PCED1B: variants seen among roughly 807,000 people sequenced by gnomAD.
PCED1B encodes PC-esterase domain containing 1B.
For synonymous variants in PCED1B, 251 were observed against 246.1 expected, an observed-to-expected ratio of 1.02 and a Z score of -0.19; for missense variants, 573 against 573.9, an observed-to-expected ratio of 1.00 and a Z score of 0.02.
chr12:47,169,548 T>C (rs1318404639), intron 2 of PCED1B, among the ~76,000 whole-genome samples: 1 of 152,224 alleles, frequency 6.6e-6, no homozygotes, highest in Non-Finnish European at 1.5e-5. Flanking sequence ...ATTATTACTA[T>C]TTTTTGCCCC....
chr12:47,160,771 C>G lies in PCED1B; in HGVS notation c.-525-55451C>G, dbSNP rs57872111. ...TTCCCCACTAAAACTCATATTGAAA[C>G]CTTAATTCCCTTTGTGGCAATGTTG... On this transcript the variant is annotated intron_variant, in intron 2 of 3. Coordinates refer to ENST00000546455, the MANE Select transcript of PCED1B (RefSeq NM_138371.3). Among the ~76,000 whole-genome samples the G allele has an allele frequency of 7.6e-3, 1,161 of 152,154 alleles. 13 individuals carry two copies. Among genetic ancestry groups the G allele is most frequent in the African/African-American group, 0.026 (1,092 of 41,502 alleles).
intron 3 of PCED1B, among the ~76,000 whole-genome samples, chr12:47,217,817 T>G (rs1943348004): frequency 6.6e-6 from 1 of 152,200 alleles, no homozygotes; most frequent in African/African-American, 2.4e-5. Context: ...CCTCAGGTGA[T>G]CCGACCGTCT....
chr12:47,132,064 A>T (rs1444222990), intron 2 of PCED1B, among the ~76,000 whole-genome samples: 2 of 152,186 alleles, frequency 1.3e-5, no homozygotes, highest in Non-Finnish European at 2.9e-5. Flanking sequence ...TTGCGTGGAA[A>T]GTCATTAGCA....
At chr12:47,108,054 TGA>T (rs147300318) in intron 2 of PCED1B, among the ~76,000 whole-genome samples, 2,023 of 152,270 alleles carry the variant, frequency 0.013, 52 homozygotes, top group African/African-American at 0.047. Flanking sequence ...CTAGTACCAG[TGA>T]GAGCCCTCAG....
chr12:47,140,162 T>C (rs1368216989), intron 2 of PCED1B, among the ~76,000 whole-genome samples: 2 of 152,180 alleles, frequency 1.3e-5, no homozygotes, highest in Non-Finnish European at 2.9e-5. Context: ...GAATTTTGCT[T>C]ATCAAATAAT....
chr12:47,184,236 T>A (rs1942184890), intron 2 of PCED1B, among the ~76,000 whole-genome samples: 1 of 152,178 alleles, frequency 6.6e-6, no homozygotes, highest in Non-Finnish European at 1.5e-5. Flanking sequence ...TGTGTTTTAG[T>A]TGGTGTGAGC....
chr12:47,097,364 C>T (rs1421525187), intron 1 of PCED1B, among the ~76,000 whole-genome samples: 1 of 152,164 alleles, frequency 6.6e-6, no homozygotes, highest in African/African-American at 2.4e-5. Context: ...AATCAAAACA[C>T]ACATAAACAT....
rs565913763 is a variant in PCED1B, at chr12:47,202,339, C to T, written c.-525-13883C>T. 2.1e-4 allele frequency among the ~76,000 whole-genome samples: 32 copies of T among 152,222 alleles called. No homozygotes were observed. In the South Asian group the frequency reaches 6.4e-3, roughly 31 times the overall value. ...AAAAGATGATACCGCATTGCAGAAG[C>T]ACATGAGCTTCCAGGTTATGCCAGA... On this transcript the variant is annotated intron_variant, in intron 2 of 3. Transcript: ENST00000546455.
chr12:47,174,350 A>G (rs999365096), intron 2 of PCED1B, among the ~76,000 whole-genome samples: 1 of 151,882 alleles, frequency 6.6e-6, no homozygotes, highest in Non-Finnish European at 1.5e-5. Context: ...TGGAGGTTGC[A>G]GTTAGCGGAG....
In PCED1B at chr12:47,236,614, T is replaced by C. The variant is rs1943995617; in HGVS notation, c.*252T>C. The C allele has an allele frequency of 2.4e-6, 1 of 412,568 alleles. No individual in the cohort carries two copies. Among genetic ancestry groups the C allele is most frequent in the Non-Finnish European group, 4.4e-6 (1 of 225,984 alleles). The allele number at this position is 412,568 out of a possible 1,614,324, so 25.6% of individuals were successfully genotyped here. A position where few individuals can be genotyped will look rare whatever the true frequency, so the allele number is the denominator to read the frequency against. ...TTCCTGCCTCCTCACTCCTATTCTC[T>C]TTGCCTTTGTGTAAAAATAAAATGG... On this transcript the variant is annotated 3_prime_UTR_variant, in exon 4 of 4. Coordinates refer to ENST00000546455, the MANE Select transcript of PCED1B (RefSeq NM_138371.3).
intron 2 of PCED1B, among the ~76,000 whole-genome samples, chr12:47,191,097 T>C (rs1248637029): frequency 6.6e-6 from 1 of 152,196 alleles, no homozygotes; most frequent in Non-Finnish European, 1.5e-5. Flanking sequence ...CAAACATGCA[T>C]GGAGGAAGAC....
intron 1 of PCED1B, among the ~76,000 whole-genome samples, chr12:47,081,014 G>C (rs189965297): frequency 6.6e-6 from 1 of 152,180 alleles, no homozygotes; most frequent in Non-Finnish European, 1.5e-5. Context: ...GGTGCAAGCC[G>C]AACAAGGCCA....
chr12:47,161,941 G>T (rs939550574), intron 2 of PCED1B, among the ~76,000 whole-genome samples: 1 of 152,130 alleles, frequency 6.6e-6, no homozygotes, highest in Non-Finnish European at 1.5e-5. Context: ...CCATAAAAAA[G>T]GATGAATTCA....
rs923058225 is a variant in PCED1B, at chr12:47,197,612, A to T, written c.-525-18610A>T. On this transcript the variant is annotated intron_variant, in intron 2 of 3. Transcript: ENST00000546455. The stretch of plus-strand genomic sequence containing the variant: ...AACAAGAGTGAAACTCTGTCTCAAA[A>T]AAATAAATAAATAAATAATAAAATA... Among the ~76,000 whole-genome samples, 103 of 151,798 alleles carry T rather than the reference A, an allele frequency of 6.8e-4. 1 individual carries two copies. Among genetic ancestry groups the T allele is most frequent in the Middle Eastern group, 3.4e-3 (1 of 294 alleles).
intron 1 of PCED1B, among the ~76,000 whole-genome samples, chr12:47,082,647 T>G (rs1236325895): frequency 6.6e-6 from 1 of 152,244 alleles, no homozygotes; most frequent in Non-Finnish European, 1.5e-5. Context: ...TTACATGCAT[T>G]ATTTCATTTA....
chr12:47,171,484 A>G (rs1037187131), intron 2 of PCED1B, among the ~76,000 whole-genome samples: 5 of 152,198 alleles, frequency 3.3e-5, no homozygotes, highest in Admixed American at 2.6e-4. Flanking sequence ...TTTAGCTATT[A>G]TATTAATCTC....
intron 2 of PCED1B, among the ~76,000 whole-genome samples, chr12:47,194,805 A>G (rs974980075): frequency 6.6e-5 from 10 of 152,216 alleles, no homozygotes; most frequent in African/African-American, 2.4e-4. Context: ...AGGAAGAGAA[A>G]GGTGCCGTGT....
intron 1 of PCED1B, among the ~76,000 whole-genome samples, chr12:47,102,859 A>C (rs1266184378): frequency 6.6e-6 from 1 of 152,248 alleles, no homozygotes; most frequent in African/African-American, 2.4e-5. Context: ...AACGTAGAAG[A>C]GTTTCCTCAC....
chr12:47,177,556 G>C (rs1327496303), intron 2 of PCED1B, among the ~76,000 whole-genome samples: 1 of 152,190 alleles, frequency 6.6e-6, no homozygotes, highest in African/African-American at 2.4e-5. Flanking sequence ...GGAGACGGGA[G>C]AGATGATGAT....
Sources: gnomAD v4.1 joint callset for allele counts (sites outside exome capture counted in the v4.1 genomes callset) on GRCh38, gnomAD v4.1.1 for gene constraint, MANE v1.5 for transcripts, NCBI Gene and HGNC (gene_info 2026-07-23, HGNC 2026-07-21) for gene names.